IFT122: variants seen among roughly 807,000 people sequenced by gnomAD.
IFT122 encodes intraflagellar transport 122, also known as intraflagellar transport protein 122 homolog.
IFT122 carries 118 observed loss-of-function variants against 161.6 expected under a neutral mutation model. That is an observed-to-expected ratio of 0.73 (90% CI 0.63 to 0.85). The LOEUF is 0.85. Among genes scored for constraint, IFT122 ranks in the 40% least tolerant of loss-of-function variants. The probability of loss-of-function intolerance (pLI) is 0.00; values close to 1 mark genes in which losing one functional copy is unlikely to be tolerated. For synonymous variants in IFT122, 550 were observed against 602.4 expected, an observed-to-expected ratio of 0.91 and a Z score of 1.27; for missense variants, 1,381 against 1,579.6, an observed-to-expected ratio of 0.87 and a Z score of 2.13.
At position 129,507,388 on chromosome 3, in the gene IFT122, TA is replaced by T. The variant is rs1353792537; in HGVS notation, c.2792-278del. 2.6e-5 allele frequency among the ~76,000 whole-genome samples: 4 copies of T among 152,214 alleles called. No homozygotes were observed. The East Asian group carries it at 7.7e-4, about 29-fold the overall frequency. On this transcript the variant is annotated intron_variant, in intron 22 of 29. Transcript: ENST00000348417. ...TGCAGCTGTCGCTCCCCCAGGGGAA[TA>T]ATCTGGGAGGGTGCAGTGAGAGATC...
rs555281580 is a variant in IFT122, at chr3:129,514,528, C to T, written c.3127C>T (p.Arg1043Cys). 20 of 1,614,232 alleles carry T rather than the reference C, an allele frequency of 1.2e-5. No individual in the cohort carries two copies. The highest frequency in any genetic ancestry group is 1.4e-5 in the Non-Finnish European group (16 of 1,180,046). ...KSIELGTLTI[R>C]AKPFHDSEEL... The stretch of plus-strand genomic sequence containing the variant: ...CATTGAGCTGGGTACCCTGACCATC[C>T]GCGCCAAGCCCTTCCACGACAGTGA... Residue 1043 changes from arginine to cysteine, a missense_variant, in exon 25 of 30, where the codon CGC becomes TGC. Transcript: ENST00000348417.
At chr3:129,455,602 C>A (rs1274432706) in intron 3 of IFT122, among the ~76,000 whole-genome samples, 1 of 151,802 alleles carries the variant, frequency 6.6e-6, no homozygotes, top group Non-Finnish European at 1.5e-5. Context: ...CTATTCCAGG[C>A]CCAGTTCTAA....
In IFT122 at chr3:129,514,415, A is replaced by C. The variant is rs756254550; in HGVS notation, c.3014A>C (p.Gln1005Pro). The part of the protein sequence containing the change: ...KVKILFTLAK[Q>P]SKALGAYRLA... ...AAAATACTCTTCACCTTGGCCAAGC[A>C]GAGCAAGGCCCTCGGTGCCTACAGG... The change falls in exon 25 of 30, where the codon CAG becomes CCG. Residue 1005 changes from glutamine to proline, a missense_variant. By Grantham distance (76) the Gln-to-Pro change is moderately conservative. Around this residue, in one of 7 missense-constraint regions of IFT122, gnomAD observed 496 missense variants for 502.5 expected, o/e 0.99. Transcript: ENST00000348417. 6.2e-7 allele frequency: 1 copy of C among 1,614,148 alleles called. No individual in the cohort carries two copies. Among genetic ancestry groups the C allele is most frequent in the Non-Finnish European group, 8.5e-7 (1 of 1,180,000 alleles).
intron 26 of IFT122, among the ~76,000 whole-genome samples, chr3:129,517,225 C>T (rs1432690234): frequency 2.0e-5 from 3 of 150,530 alleles, no homozygotes; most frequent in African/African-American, 7.4e-5. Flanking sequence ...CCTGCACACA[C>T]ACACACACAG....
chr3:129,517,352 T>C (rs1053177698), intron 26 of IFT122, 117 bp from the exon 27 acceptor site: 11 of 1,362,478 alleles, frequency 8.1e-6, no homozygotes, highest in Non-Finnish European at 1.1e-5. Context: ...TGCCTCTTCT[T>C]GCTTTTGGTG....
At chr3:129,487,947 T>G in intron 15 of IFT122, 1 of 446,300 alleles carries the variant, frequency 2.2e-6, no homozygotes, top group Non-Finnish European at 4.2e-6. Flanking sequence ...AGAGGCAGAG[T>G]GGGGAGGGGC....
chr3:129,460,990 A>G, intron 4 of IFT122: 1 of 1,511,610 alleles, frequency 6.6e-7, no homozygotes, highest in Non-Finnish European at 9.2e-7. Context: ...AAGCGTTCAA[A>G]ACCAACCTGG....
chr3:129,455,780 TTAAAA>T (rs1398060125), intron 3 of IFT122, among the ~76,000 whole-genome samples: 8 of 152,066 alleles, frequency 5.3e-5, no homozygotes, highest in Admixed American at 6.6e-5. Context: ...TATTGTATTC[TTAAAA>T]TAAGCTAGAT....
chr3:129,494,506 C>G (rs747273489), intron 17 of IFT122, among the ~76,000 whole-genome samples: 12 of 152,168 alleles, frequency 7.9e-5, no homozygotes, highest in Non-Finnish European at 1.5e-4. Flanking sequence ...ACCAGCTTGT[C>G]TAAGAGTTTG....
At chr3:129,479,443 A>G (rs2108306614) in intron 12 of IFT122, among the ~76,000 whole-genome samples, 1 of 152,102 alleles carries the variant, frequency 6.6e-6, no homozygotes, top group South Asian at 2.1e-4. Context: ...CTCAAAAACA[A>G]ATAATAAATA....
intron 16 of IFT122, among the ~76,000 whole-genome samples, chr3:129,489,317 C>T (rs55893842): frequency 6.6e-6 from 1 of 152,102 alleles, no homozygotes; most frequent in Non-Finnish European, 1.5e-5. Flanking sequence ...AGGCCAGCCA[C>T]TTTCCTTGGA....
intron 3 of IFT122, chr3:129,456,126 C>T (rs1410368148): frequency 7.1e-6 from 4 of 566,968 alleles, no homozygotes; most frequent in South Asian, 6.0e-5. Flanking sequence ...AATGAAAGCT[C>T]TTCAGTAGCT....
intron 8 of IFT122, among the ~76,000 whole-genome samples, chr3:129,468,028 A>G (rs542426192): frequency 4.5e-4 from 68 of 152,238 alleles, no homozygotes; most frequent in Non-Finnish European, 8.1e-4. Context: ...GGCCTCCCCA[A>G]GAGGGCTCAC....
intron 14 of IFT122, among the ~76,000 whole-genome samples, chr3:129,482,831 G>A (rs1054999333): frequency 6.6e-6 from 1 of 152,186 alleles, no homozygotes; most frequent in Non-Finnish European, 1.5e-5. Context: ...AGATACTACA[G>A]TGCCTAGCTC....
At chr3:129,448,306 C>G (rs905484063) in intron 1 of IFT122, among the ~76,000 whole-genome samples, 3 of 152,090 alleles carry the variant, frequency 2.0e-5, no homozygotes, top group African/African-American at 7.2e-5. Flanking sequence ...ACAGCGTTCT[C>G]GAAAAAATGA....
intron 9 of IFT122, among the ~76,000 whole-genome samples, chr3:129,474,717 T>C (rs1225336758): frequency 1.3e-5 from 2 of 152,150 alleles, no homozygotes; most frequent in Admixed American, 1.3e-4. Flanking sequence ...GAGAATGACC[T>C]TGGGGGCTGA....
At chr3:129,509,675 A>G (rs1232086537) in intron 23 of IFT122, among the ~76,000 whole-genome samples, 1 of 152,246 alleles carries the variant, frequency 6.6e-6, no homozygotes, top group Non-Finnish European at 1.5e-5. Flanking sequence ...ACATAACCAC[A>G]TTTAAGAATG....
intron 4 of IFT122, 128 bp downstream of exon 4, chr3:129,458,805 G>A (rs114519508): frequency 2.3e-5 from 17 of 742,520 alleles, no homozygotes; most frequent in African/African-American, 1.7e-5. Flanking sequence ...AGTTGTGGGT[G>A]TGTGTGGTTG....
intron 3 of IFT122, chr3:129,452,266 G>A (rs1303448645): frequency 4.5e-6 from 2 of 441,334 alleles, no homozygotes; most frequent in Non-Finnish European, 8.4e-6. Context: ...GTTTTATGGG[G>A]TGGTGGTGAG....
Sources: gnomAD v4.1 joint callset for allele counts (sites outside exome capture counted in the v4.1 genomes callset) on GRCh38, gnomAD v4.1.1 for gene constraint, gnomAD v4.1.1 regional missense constraint, MANE v1.5 for transcripts, NCBI Gene and HGNC (gene_info 2026-07-23, HGNC 2026-07-21) for gene names.